Variants in PAAF1 observed in about 807,000 individuals in gnomAD.
PAAF1 encodes proteasomal ATPase associated factor 1.
A neutral mutation model predicts 52.8 loss-of-function variants in PAAF1; 46 were observed. The ratio of observed to expected loss-of-function variants is 0.87; its 90% CI spans 0.69 to 1.11. PAAF1 has a LOEUF of 1.11. Ranked by LOEUF, PAAF1 falls within the 50% of genes most tolerant of loss-of-function variation. PAAF1 has a pLI of 0.00. For synonymous variants in PAAF1, 178 were observed against 172.8 expected (o/e 1.03, Z -0.24); for missense variants, 424 against 477.4 (o/e 0.89, Z 1.04).
chr11:73,895,909 C>A (rs1471261152), intron 4 of PAAF1, among the ~76,000 whole-genome samples: 1 of 152,166 alleles, frequency 6.6e-6, no homozygotes, highest in Non-Finnish European at 1.5e-5. Context: ...GAGTTCAAGA[C>A]CACCCTGGGC....
chr11:73,888,925 C>A, intron 3 of PAAF1: 1 of 475,122 alleles, frequency 2.1e-6, no homozygotes, highest in Non-Finnish European at 3.7e-6. Context: ...TAAAATACTA[C>A]AGAAGTTAGT....
intron 4 of PAAF1, among the ~76,000 whole-genome samples, chr11:73,896,262 T>TC (rs2135159285): frequency 6.6e-6 from 1 of 151,636 alleles, no homozygotes; most frequent in African/African-American, 2.4e-5. Context: ...CTCTTTTTTT[T>TC]TTTTTTTACG....
At chr11:73,916,081 T>C (rs560359974) in intron 8 of PAAF1, among the ~76,000 whole-genome samples, 24 of 152,264 alleles carry the variant, frequency 1.6e-4, no homozygotes, top group Admixed American at 3.9e-4. Context: ...TTTTTTCAGA[T>C]TCATGGGGAG....
chr11:73,930,069 AAAG>A lies in PAAF1; in HGVS notation c.*2710_*2712del, dbSNP rs1344381437. 7 of 152,092 alleles carry A rather than the reference AAAG, an allele frequency of 4.6e-5. No homozygotes were observed. The highest frequency in any genetic ancestry group is 7.3e-5 in the African/African-American group (3 of 41,026). 9.4% of individuals were successfully genotyped at this position (152,092 alleles called of 1,614,324 possible). On this transcript the variant is annotated 3_prime_UTR_variant, in exon 12 of 12. Transcript: ENST00000310571. ...GAAACTCCGTCTCAAAAAAAAAAAA[AAAG>A]AAAACAGGATGAAATGGGCCGGGCG... is the stretch of plus-strand genomic sequence containing the variant.
At chr11:73,904,646 G>T in intron 6 of PAAF1, among the ~76,000 whole-genome samples, 1 of 151,646 alleles carries the variant, frequency 6.6e-6, no homozygotes, top group Non-Finnish European at 1.5e-5. Flanking sequence ...TTTTTTTTCG[G>T]AGATCTGAGT....
At chr11:73,882,056 T>C (rs1291619706) in intron 2 of PAAF1, among the ~76,000 whole-genome samples, 1 of 151,858 alleles carries the variant, frequency 6.6e-6, no homozygotes, top group African/African-American at 2.4e-5. Context: ...GTATTTTTTT[T>C]TTTTAATAGA....
chr11:73,889,075 G>T lies in PAAF1; in HGVS notation c.192+1618G>T, dbSNP rs922170903. ...TATGCTGGAATTGAAACCCAGTTCT[G>T]TTGATTCCAAGTTTAGCACTACCAT... On this transcript the variant is annotated intron_variant, in intron 3 of 11. Transcript: ENST00000310571. 6 of 807,692 alleles carry T rather than the reference G, an allele frequency of 7.4e-6. No homozygotes were observed. The African/African-American group carries it at 8.5e-5, about 11-fold the overall frequency. The allele number at this position is 807,692 out of a possible 1,614,324, so 50.0% of individuals were successfully genotyped here. A position where few individuals can be genotyped will look rare whatever the true frequency, so the allele number is the denominator to read the frequency against.
Position 73,929,122 on chromosome 11 carries a change from C to T in PAAF1, c.*1760C>T, listed in dbSNP as rs1950421690. The T allele has an allele frequency of 6.6e-6, 1 of 152,058 alleles. No individual in the cohort carries two copies. The allele number at this position is 152,058 out of a possible 1,614,324, so 9.4% of individuals were successfully genotyped here. A position where few individuals can be genotyped will look rare whatever the true frequency, so the allele number is the denominator to read the frequency against. On this transcript the variant is annotated 3_prime_UTR_variant, in exon 12 of 12. Transcript: ENST00000310571. ...CTGGAATGCGTTGGCATGATTACAG[C>T]TTCTGCCTTAACCTCCTGGGCTCAA...
At chr11:73,895,390 A>G (rs1263713903) in intron 4 of PAAF1, among the ~76,000 whole-genome samples, 1 of 152,210 alleles carries the variant, frequency 6.6e-6, no homozygotes. Context: ...GCAATTGGAT[A>G]GATACCACCT....
At chr11:73,897,114 C>T (rs1247442670) in intron 4 of PAAF1, among the ~76,000 whole-genome samples, 1 of 146,834 alleles carries the variant, frequency 6.8e-6, no homozygotes, top group Non-Finnish European at 1.5e-5. Flanking sequence ...TGGCTCCTCA[C>T]TTCCCAGTAG....
intron 10 of PAAF1, among the ~76,000 whole-genome samples, chr11:73,922,396 A>T (rs1230448304): frequency 6.6e-6 from 1 of 152,118 alleles, no homozygotes; most frequent in Non-Finnish European, 1.5e-5. Context: ...TATAAAGGAA[A>T]AGCTTTCTTT....
intron 6 of PAAF1, among the ~76,000 whole-genome samples, chr11:73,902,966 G>A (rs1256020042): frequency 6.6e-6 from 1 of 152,198 alleles, no homozygotes; most frequent in Non-Finnish European, 1.5e-5. Context: ...CCAAAGTGCC[G>A]GGATTACAGG....
intron 1 of PAAF1, 136 bp from the exon 2 acceptor site, chr11:73,878,643 G>T: frequency 1.6e-6 from 1 of 640,014 alleles, no homozygotes; most frequent in Admixed American, 2.7e-5. Context: ...ATCTATACTC[G>T]ATGAGAGGTT....
At position 73,924,907 on chromosome 11, in the gene PAAF1, C is replaced by T. The variant is rs189848907; in HGVS notation, c.1101+210C>T. ...GTGGCTCACGCCTGTAATCCCAGTA[C>T]TTTGGGAGGCCGAGACAGGTGGATC... On this transcript the variant is annotated intron_variant, in intron 11 of 11. Coordinates refer to ENST00000310571, the MANE Select transcript of PAAF1 (RefSeq NM_025155.3). 9.9e-5 allele frequency among the ~76,000 whole-genome samples: 15 copies of T among 152,198 alleles called. No individual in the cohort carries two copies. In the East Asian group the frequency reaches 2.3e-3, roughly 24 times the overall value.
chr11:73,912,702 A>G (rs1485890567), intron 7 of PAAF1, among the ~76,000 whole-genome samples: 1 of 152,116 alleles, frequency 6.6e-6, no homozygotes, highest in Non-Finnish European at 1.5e-5. Flanking sequence ...CCCTTTATAA[A>G]TATGTTGAAA....
At position 73,902,487 on chromosome 11, in the gene PAAF1, T is replaced by G. The variant is rs924162111; in HGVS notation, c.532+2067T>G. Among the ~76,000 whole-genome samples the G allele has an allele frequency of 4.6e-5, 7 of 152,210 alleles. 1 individual carries two copies. The highest frequency in any genetic ancestry group is 1.4e-4 in the African/African-American group (6 of 41,538). On this transcript the variant is annotated intron_variant, in intron 6 of 11. Transcript: ENST00000310571. ...TGAAGGTGTGGGCACAGGAAAACAT[T>G]TCAGTGGAACAAGTCATGACTCAGC... is the stretch of plus-strand genomic sequence containing the variant.
intron 10 of PAAF1, chr11:73,922,311 G>A (rs945986806): frequency 2.3e-6 from 1 of 431,614 alleles, no homozygotes; most frequent in Non-Finnish European, 4.3e-6. Context: ...AAGGGAGTAA[G>A]ATTATAACTC....
chr11:73,921,831 A>G (rs1950228542), intron 10 of PAAF1: 2 of 1,131,646 alleles, frequency 1.8e-6, no homozygotes, highest in Admixed American at 3.5e-5. Flanking sequence ...GTTTGTTTGC[A>G]GGTTTGGGAT....
At chr11:73,887,922 G>A (rs1478886779) in intron 3 of PAAF1, among the ~76,000 whole-genome samples, 1 of 152,018 alleles carries the variant, frequency 6.6e-6, no homozygotes, top group Non-Finnish European at 1.5e-5. Context: ...GCTAATTTTT[G>A]CATTTTTAGT....
Sources: gnomAD v4.1 joint callset for allele counts (sites outside exome capture counted in the v4.1 genomes callset) on GRCh38, gnomAD v4.1.1 for gene constraint, MANE v1.5 for transcripts, NCBI Gene and HGNC (gene_info 2026-07-23, HGNC 2026-07-21) for gene names.